Variants in ACSM4 observed in about 807,000 individuals in gnomAD.
ACSM4 encodes acyl-CoA synthetase medium chain family member 4.
ACSM4 carries 66 observed loss-of-function variants against 73.0 expected under a neutral mutation model. The ratio of observed to expected loss-of-function variants is 0.90; its 90% CI spans 0.74 to 1.11. The LOEUF is 1.11. Among genes scored for constraint, ACSM4 ranks in the 50% least tolerant of loss-of-function variants. The probability of loss-of-function intolerance (pLI) is 0.00; values close to 1 mark genes in which losing one functional copy is unlikely to be tolerated. For synonymous variants in ACSM4, 222 were observed against 254.0 expected, an observed-to-expected ratio of 0.87 and a Z score of 1.20; for missense variants, 645 against 714.4, an observed-to-expected ratio of 0.90 and a Z score of 1.11.
intron 3 of ACSM4, among the ~76,000 whole-genome samples, chr12:7,315,590 C>A (rs775362505): frequency 9.2e-5 from 14 of 151,856 alleles, no homozygotes; most frequent in Admixed American, 2.0e-4. Context: ...CCAGCCTGGG[C>A]GACAGAGTGA....
chr12:7,325,250 T>TA (rs1946495210), intron 11 of ACSM4, among the ~76,000 whole-genome samples: 1 of 152,212 alleles, frequency 6.6e-6, no homozygotes, highest in Non-Finnish European at 1.5e-5. Flanking sequence ...AATTAGTTAC[T>TA]AAAAAGGAGG....
intron 5 of ACSM4, among the ~76,000 whole-genome samples, chr12:7,319,054 G>A (rs1009442334): frequency 2.6e-5 from 4 of 152,062 alleles, no homozygotes; most frequent in South Asian, 4.1e-4. Context: ...AATGTATAAC[G>A]AAATAATTAT....
At position 7,323,479 on chromosome 12, in the gene ACSM4, T is replaced by C. The variant is rs746759925; in HGVS notation, c.1227T>C (p.Asn409=). 6.2e-7 allele frequency: 1 copy of C among 1,613,968 alleles called. No homozygotes were observed. Among genetic ancestry groups the C allele is most frequent in the Admixed American group, 1.7e-5 (1 of 60,026 alleles). The change falls in exon 9 of 13, where the codon AAT becomes AAC. Residue 409 remains asparagine, a synonymous_variant. Coordinates refer to ENST00000399422, the MANE Select transcript of ACSM4 (RefSeq NM_001080454.2). ...YDVQIIDENG[N]VLPPGKEGEI... Reference sequence around the variant, plus strand: ...TCCAGATTATAGATGAAAATGGCAATGTTCTACCACCTGGCAAAGAAGGGG... The same window carrying C: ...TCCAGATTATAGATGAAAATGGCAACGTTCTACCACCTGGCAAAGAAGGGG...
intron 3 of ACSM4, among the ~76,000 whole-genome samples, chr12:7,312,793 C>G (rs1946398588): frequency 6.6e-6 from 1 of 152,110 alleles, no homozygotes; most frequent in Admixed American, 6.5e-5. Flanking sequence ...CCATAAATAT[C>G]TAGTAATTAT....
rs139419716 is a variant in ACSM4 at position 7,328,379 on chromosome 12, T to C, written c.*6T>C. On this transcript the variant is annotated 3_prime_UTR_variant, in exon 13 of 13. Transcript: ENST00000399422. ...AAGAATGGAGAGGAAGATAGTTTGA[T>C]AACAAAGCTGAAGGGTTAAGCAGTA... is the stretch of plus-strand genomic sequence containing the variant. 1.3e-6 allele frequency: 2 copies of C among 1,575,964 alleles called. No individual in the cohort carries two copies. Among genetic ancestry groups the C allele is most frequent in the Non-Finnish European group, 1.7e-6 (2 of 1,158,768 alleles).
At chr12:7,327,896 A>G (rs999391747) in intron 12 of ACSM4, among the ~76,000 whole-genome samples, 2 of 152,106 alleles carry the variant, frequency 1.3e-5, no homozygotes, top group Admixed American at 1.3e-4. Flanking sequence ...ACTCCAAATT[A>G]TCCCTAAAAA....
intron 3 of ACSM4, among the ~76,000 whole-genome samples, chr12:7,315,156 A>C (rs1305500388): frequency 6.6e-6 from 1 of 150,770 alleles, no homozygotes; most frequent in Admixed American, 6.6e-5. Context: ...AGATTATGCC[A>C]CTGCACTCCA....
rs774837620 is a variant in ACSM4, at chr12:7,323,236, A to G, written c.1128A>G (p.Gly376=). 1.2e-6 allele frequency: 2 copies of G among 1,607,010 alleles called. No homozygotes were observed. Among genetic ancestry groups the G allele is most frequent in the Admixed American group, 3.4e-5 (2 of 59,170 alleles). ...TACAAAGCTTGTCCTCTCAATAGGG[A>G]ATGATTTGTGCCAATCAGAAAGGCC... ...LYEGYGQTEV[G]MICANQKGQE... The change falls in exon 8 of 13, where the codon GGA becomes GGG. Residue 376 remains glycine, a splice_region_variant and synonymous_variant. Transcript: ENST00000399422.
At chr12:7,328,251 A>G (rs1946524962) in intron 12 of ACSM4, 36 bp from the exon 13 acceptor site, 3 of 1,487,238 alleles carry the variant, frequency 2.0e-6, no homozygotes, top group African/African-American at 2.8e-5. Flanking sequence ...GAAGGATGGA[A>G]TCAAGTGTCT....
chr12:7,310,879 C>T, intron 3 of ACSM4, 133 bp downstream of exon 3: 2 of 998,332 alleles, frequency 2.0e-6, no homozygotes, highest in Non-Finnish European at 2.9e-6. Context: ...AAAGAATTAC[C>T]TAATAGCTGG....
chr12:7,310,419 A>G, intron 2 of ACSM4, 120 bp from the exon 3 acceptor site: 1 of 952,628 alleles, frequency 1.0e-6, no homozygotes, highest in Non-Finnish European at 1.6e-6. Context: ...GCATCAAGGC[A>G]GAGGTAGCTG....
rs180888064 is a variant in ACSM4, at chr12:7,318,153, G to T, written c.892G>T (p.Ala298Ser). The T allele has an allele frequency of 1.6e-4, 254 of 1,613,554 alleles. 1 individual carries two copies. The African/African-American group carries it at 2.9e-3, about 18-fold the overall frequency. The change falls in exon 5 of 13, where the codon GCA (alanine) becomes TCA (serine). Residue 298 changes from alanine to serine, a missense_variant. By Grantham distance (99) the Ala-to-Ser change is moderately conservative. Coordinates refer to ENST00000399422, the MANE Select transcript of ACSM4 (RefSeq NM_001080454.2). Reference sequence around the variant, plus strand: ...AGCCTGTGTTTTTGTGCATCGAATGGCACAGTTTGACACTGACACCTTCCT... The same window carrying T: ...AGCCTGTGTTTTTGTGCATCGAATGTCACAGTTTGACACTGACACCTTCCT... ...CGACVFVHRM[A>S]QFDTDTFLDT...
chr12:7,326,510 C>T (rs1946506888), intron 11 of ACSM4, among the ~76,000 whole-genome samples: 1 of 152,144 alleles, frequency 6.6e-6, no homozygotes, highest in Non-Finnish European at 1.5e-5. Flanking sequence ...ATGCTCAGCC[C>T]TTTCCTGAGA....
chr12:7,324,219 T>C, intron 9 of ACSM4, 54 bp from the exon 10 acceptor site: 1 of 1,596,904 alleles, frequency 6.3e-7, no homozygotes, highest in African/African-American at 1.3e-5. Flanking sequence ...ATGAGTGCCA[T>C]ACCCATCTCT....
At chr12:7,310,436 CTGAAGAA>C in intron 2 of ACSM4, 96 bp from the exon 3 acceptor site, 1 of 1,150,868 alleles carries the variant, frequency 8.7e-7, no homozygotes, top group Non-Finnish European at 1.2e-6. Context: ...GCTGAGGTAG[CTGAAGAA>C]TGGATTGTGA....
chr12:7,322,242 T>A (rs1052027872), intron 6 of ACSM4, among the ~76,000 whole-genome samples, 176 bp from the exon 7 acceptor site: 68 of 152,246 alleles, frequency 4.5e-4, no homozygotes, highest in African/African-American at 1.5e-3. Context: ...TGTGCCCCCA[T>A]ATGCCTAGAA....
intron 8 of ACSM4, 23 bp downstream of exon 8, chr12:7,323,337 T>A (rs1946478654): frequency 6.2e-7 from 1 of 1,603,802 alleles, no homozygotes; most frequent in African/African-American, 1.3e-5. Context: ...AATATCTGAC[T>A]GGTTCAGTAA....
rs369722844 is a variant in ACSM4 at position 7,323,429 on chromosome 12, T to C, written c.1207-30T>C. On this transcript the variant is annotated intron_variant, in intron 8 of 12. Transcript: ENST00000399422. Reference sequence around the variant, plus strand: ...TTTCATTTTTGTGAAAAGAAAATTTTAAGACCATCAATTATTTCTTTCATT... The same window carrying C: ...TTTCATTTTTGTGAAAAGAAAATTTCAAGACCATCAATTATTTCTTTCATT... 3 of 1,610,280 alleles carry C rather than the reference T, an allele frequency of 1.9e-6. No homozygotes were observed. The African/African-American group carries it at 4.0e-5, about 21-fold the overall frequency.
At position 7,306,641 on chromosome 12, in the gene ACSM4, G is replaced by C. The variant is rs377348838; in HGVS notation, c.310G>C (p.Val104Leu). 1 of 1,608,666 alleles carries C rather than the reference G, an allele frequency of 6.2e-7. No homozygotes were observed. The highest frequency in any genetic ancestry group is 8.5e-7 in the Non-Finnish European group (1 of 1,177,606). The change falls in exon 2 of 13, where the codon GTG (valine) becomes CTG (leucine). Residue 104 changes from valine to leucine, a missense_variant. Physicochemically the swap from Val to Leu is conservative, Grantham distance 32 (BLOSUM62 1). Transcript: ENST00000399422. ...CTCCTTGTCCCGAAAAGCTGCCAAC[G>C]TGCTCACCAAGCCCTGTGGCCTGCA... Reference protein sequence around the residue: ...LGSLSRKAANVLTKPCGLQRG... With the variant: ...LGSLSRKAANLLTKPCGLQRG...
Sources: allele counts gnomAD v4.1 joint callset (sites outside exome capture counted in the v4.1 genomes callset), GRCh38; gene constraint gnomAD v4.1.1; transcripts MANE v1.5; gene names NCBI Gene and HGNC (gene_info 2026-07-23, HGNC 2026-07-21).